MOK: variants seen among roughly 807,000 people sequenced by gnomAD.
The protein encoded by MOK is MOK protein kinase.
A neutral mutation model predicts 54.2 loss-of-function variants in MOK; 59 were observed. The ratio of observed to expected loss-of-function variants is 1.09; its 90% confidence interval spans 0.88 to 1.35. The LOEUF (loss-of-function observed/expected upper bound fraction) is 1.35. MOK is among the 40% of genes most tolerant of loss of function. MOK has a pLI of 0.00. For missense variants in MOK, 517 were observed against 526.2 expected, an observed-to-expected ratio of 0.98 and a Z score of 0.17; for synonymous variants, 210 against 202.7, an observed-to-expected ratio of 1.04 and a Z score of -0.31.
chr14:102,223,061 AAAG>A (rs780897706), downstream of MOK: 11 of 605,760 alleles, frequency 1.8e-5, no homozygotes, highest in Non-Finnish European at 2.8e-5. Flanking sequence ...CTGCTCACCC[AAAG>A]AAGTTGTTTC....
intron 1 of MOK, among the ~76,000 whole-genome samples, chr14:102,289,864 A>C (rs1251036462): frequency 6.6e-6 from 1 of 152,180 alleles, no homozygotes; most frequent in Non-Finnish European, 1.5e-5. Flanking sequence ...GTGAGGTGTA[A>C]GGAGATTTAC....
Position 102,232,922 on chromosome 14 carries a change from A to C in MOK, c.693-214T>G, listed in dbSNP as rs916469455. On this transcript the variant is annotated intron_variant, in intron 8 of 11. Transcript: ENST00000361847. This position sits in a 1 kb window ranked among gnomAD's most constrained non-coding sequence, Gnocchi z 5.1. ...ATGAGATATCCACGGTTCATCGACC[A>C]TAATAAACACACCACTCGAGGCAGG... is the stretch of plus-strand genomic sequence containing the variant. 41 of 408,578 alleles carry C rather than the reference A, an allele frequency of 1.0e-4. No individual in the cohort carries two copies. Among genetic ancestry groups the C allele is most frequent in the Non-Finnish European group, 1.6e-4 (38 of 231,446 alleles). 25.3% of individuals were successfully genotyped at this position (408,578 alleles called of 1,614,324 possible).
chr14:102,218,999 C>G, the MOK span, among the ~76,000 whole-genome samples: 1 of 152,196 alleles, frequency 6.6e-6, no homozygotes, highest in Non-Finnish European at 1.5e-5. Context: ...GGTAAAACCC[C>G]ACTCCCTCCC....
chr14:102,267,878 C>T (rs895021947), intron 2 of MOK, among the ~76,000 whole-genome samples: 1 of 151,370 alleles, frequency 6.6e-6, no homozygotes, highest in Non-Finnish European at 1.5e-5. Context: ...GGGGGCTAGG[C>T]GAGACTCAGA....
At chr14:102,234,054 T>C (rs2064993197) in intron 7 of MOK, 2 of 341,714 alleles carry the variant, frequency 5.9e-6, no homozygotes, top group Admixed American at 4.6e-5. Flanking sequence ...TATAAACCCC[T>C]CAATCTGTAA....
At chr14:102,227,682 C>T (rs1013395962), downstream of MOK, among the ~76,000 whole-genome samples, 1 of 152,202 alleles carries the variant, frequency 6.6e-6, no homozygotes, top group African/African-American at 2.4e-5. Flanking sequence ...TTCTTGGGTT[C>T]CTTTGCCCCC....
chr14:102,259,940 G>A (rs2153124744), intron 4 of MOK, among the ~76,000 whole-genome samples: 1 of 152,250 alleles, frequency 6.6e-6, no homozygotes, highest in East Asian at 1.9e-4. Context: ...CACTTTGGGA[G>A]GCCAAGGTGG....
At chr14:102,288,630 T>C (rs547445868) in intron 1 of MOK, among the ~76,000 whole-genome samples, 1 of 152,342 alleles carries the variant, frequency 6.6e-6, no homozygotes, top group African/African-American at 2.4e-5. Context: ...ATAGTTATAG[T>C]TACACAACTC....
chr14:102,268,258 T>C (rs527984400), intron 2 of MOK, among the ~76,000 whole-genome samples: 1 of 152,202 alleles, frequency 6.6e-6, no homozygotes, highest in East Asian at 1.9e-4. Context: ...CTAAGACAAA[T>C]ATTTAGAAAG....
At chr14:102,275,682 T>C (rs1466869105) in intron 2 of MOK, among the ~76,000 whole-genome samples, 1 of 151,924 alleles carries the variant, frequency 6.6e-6, no homozygotes, top group Non-Finnish European at 1.5e-5. Context: ...CAAAAATTTC[T>C]TCTAAGACAG....
Position 102,231,971 on chromosome 14 carries a change from T to TC in MOK, c.867-151dup. 1 of 586,022 alleles carries TC rather than the reference T, an allele frequency of 1.7e-6. No individual in the cohort carries two copies. Among genetic ancestry groups the TC allele is most frequent in the Non-Finnish European group, 2.9e-6 (1 of 342,162 alleles). The allele number at this position is 586,022 out of a possible 1,614,324, so 36.3% of individuals were successfully genotyped here. ...AGCTGTAATCAGGAGCCTTTTTTTTTCTTTTCTGTCTCAGCCTGACAGTCT... is the reference window on the plus strand; with the variant it reads ...AGCTGTAATCAGGAGCCTTTTTTTTTCCTTTTCTGTCTCAGCCTGACAGTCT... On this transcript the variant is annotated intron_variant, in intron 9 of 11. Transcript: ENST00000361847. This position sits in a 1 kb window ranked among gnomAD's most constrained non-coding sequence, Gnocchi z 4.4.
intron 2 of MOK, among the ~76,000 whole-genome samples, chr14:102,281,567 T>C (rs547445993): frequency 4.6e-5 from 7 of 150,788 alleles, no homozygotes; most frequent in African/African-American, 1.7e-4. Context: ...ACTGGCAACT[T>C]TGGGTCAAAG....
intron 2 of MOK, among the ~76,000 whole-genome samples, chr14:102,269,580 C>A (rs944617083): frequency 1.7e-4 from 26 of 149,168 alleles, no homozygotes; most frequent in African/African-American, 5.2e-4. Context: ...TCAAGTGATT[C>A]TCCTGCCTCA....
chr14:102,303,324 C>CT (rs1388953358), intron 1 of MOK, among the ~76,000 whole-genome samples: 5 of 152,158 alleles, frequency 3.3e-5, no homozygotes, highest in African/African-American at 1.2e-4. Context: ...AACATTTAAG[C>CT]TGAAGCTAAT....
chr14:102,222,618 G>A (rs2064036924), downstream of MOK, among the ~76,000 whole-genome samples: 1 of 152,212 alleles, frequency 6.6e-6, no homozygotes, highest in African/African-American at 2.4e-5. This position sits in a 1 kb window ranked among gnomAD's most constrained non-coding sequence, Gnocchi z 4.4. Flanking sequence ...TGAGGCCACA[G>A]TATTGCACCC....
intron 4 of MOK, 44 bp from the exon 5 acceptor site, chr14:102,252,039 A>C (rs2066572008): frequency 1.9e-6 from 2 of 1,052,182 alleles, no homozygotes; most frequent in East Asian, 2.4e-5. Flanking sequence ...CTGATGGTAC[A>C]TATCCTCTTT....
intron 2 of MOK, among the ~76,000 whole-genome samples, chr14:102,277,970 C>T (rs1567215261): frequency 6.6e-6 from 1 of 152,046 alleles, no homozygotes; most frequent in African/African-American, 2.4e-5. Context: ...GGAGGTGGGG[C>T]TTTTGAGAGG....
At chr14:102,227,782 G>A (rs867754744), downstream of MOK, among the ~76,000 whole-genome samples, 12 of 152,214 alleles carry the variant, frequency 7.9e-5, no homozygotes, top group Middle Eastern at 6.8e-3. Context: ...CTCCCTCCGC[G>A]TGGCCCGCGG....
At chr14:102,239,438 A>AGTCCCTTTCCTCTTACAAAACAGGCCTCC in intron 7 of MOK, among the ~76,000 whole-genome samples, 1 of 151,810 alleles carries the variant, frequency 6.6e-6, no homozygotes, top group Non-Finnish European at 1.5e-5. Flanking sequence ...CCTCCTTCTG[A>AGTCCCTTTCCTCTTACAAAACAGGCCTCC]TTCTCAATTA....
Sources: allele counts gnomAD v4.1 joint callset (sites outside exome capture counted in the v4.1 genomes callset), GRCh38; gene constraint gnomAD v4.1.1; non-coding constraint Gnocchi (gnomAD v3.1); transcripts MANE v1.5; gene names NCBI Gene and HGNC (gene_info 2026-07-23, HGNC 2026-07-21).